The following FGF12 variants were observed in gnomAD, a reference collection of about 807,000 sequenced individuals.
FGF12 encodes fibroblast growth factor 12, also known as fibroblast growth factor 12B.
In FGF12, 14 loss-of-function variants were observed where a neutral mutation model predicts 23.6. The observed-to-expected ratio is 0.59, with a 90% CI of 0.39 to 0.93. The LOEUF (loss-of-function observed/expected upper bound fraction) is 0.93, where lower values mean the gene tolerates loss of function less well. Ranked by LOEUF, FGF12 falls within the 40% of genes least tolerant of loss-of-function variation. The pLI, the probability that FGF12 is intolerant of heterozygous loss-of-function variation, is 0.00. For synonymous variants in FGF12, 62 were observed against 77.3 expected, an observed-to-expected ratio of 0.80 and a Z score of 1.04; for missense variants, 175 against 217.8, an observed-to-expected ratio of 0.80 and a Z score of 1.24.
At chr3:192,223,519 T>A (rs985357309) in intron 4 of FGF12, among the ~76,000 whole-genome samples, 1 of 152,202 alleles carries the variant, frequency 6.6e-6, no homozygotes, top group African/African-American at 2.4e-5. Flanking sequence ...GGAAATAATG[T>A]TATGCCTTTT....
At chr3:192,679,524 T>C (rs1560191967) in intron 2 of FGF12, among the ~76,000 whole-genome samples, 1 of 152,014 alleles carries the variant, frequency 6.6e-6, no homozygotes, top group Non-Finnish European at 1.5e-5. Flanking sequence ...GAGGATGGTT[T>C]GAGCCCTGGA....
At chr3:192,275,514 C>A (rs58733292) in intron 4 of FGF12, among the ~76,000 whole-genome samples, 2 of 152,104 alleles carry the variant, frequency 1.3e-5, no homozygotes, top group African/African-American at 4.8e-5. Context: ...TTAGGATCTT[C>A]AAACTAAAAT....
chr3:192,180,636 G>A (rs1159284608), intron 4 of FGF12, among the ~76,000 whole-genome samples: 1 of 152,104 alleles, frequency 6.6e-6, no homozygotes, highest in African/African-American at 2.4e-5. Context: ...TAAAAGGTAC[G>A]AGAAATTATC....
chr3:192,424,321 T>C (rs1285645859), intron 2 of FGF12, among the ~76,000 whole-genome samples: 1 of 152,220 alleles, frequency 6.6e-6, no homozygotes, highest in Non-Finnish European at 1.5e-5. Flanking sequence ...TTATTTGTAA[T>C]GCTAATGAGA....
intron 5 of FGF12, among the ~76,000 whole-genome samples, chr3:192,166,474 A>C (rs1157837769): frequency 6.6e-6 from 1 of 152,224 alleles, no homozygotes; most frequent in African/African-American, 2.4e-5. Flanking sequence ...CAGACCTCAG[A>C]CTGTAGCCTG....
At chr3:192,680,756 AAATCCATTAGG>A (rs1717498374) in intron 2 of FGF12, among the ~76,000 whole-genome samples, 1 of 152,206 alleles carries the variant, frequency 6.6e-6, no homozygotes, top group South Asian at 2.1e-4. Flanking sequence ...CCTAGCTCCC[AAATCCATTAGG>A]AAGTATATTC....
chr3:192,465,685 G>A (rs1253581801), intron 2 of FGF12, among the ~76,000 whole-genome samples: 3 of 152,182 alleles, frequency 2.0e-5, no homozygotes, highest in African/African-American at 4.8e-5. Flanking sequence ...GGCAGAGGGT[G>A]CCTACGTGAC....
chr3:192,422,967 T>G (rs952377843), intron 2 of FGF12, among the ~76,000 whole-genome samples: 5 of 152,146 alleles, frequency 3.3e-5, no homozygotes, highest in African/African-American at 1.2e-4. Flanking sequence ...TGAAGAATGC[T>G]CTCAGCTATA....
At chr3:192,679,140 G>A (rs1017824216) in intron 2 of FGF12, among the ~76,000 whole-genome samples, 13 of 152,082 alleles carry the variant, frequency 8.5e-5, no homozygotes, top group African/African-American at 2.4e-4. Context: ...GTGGAGTAAG[G>A]GTATGCAGCA....
intron 2 of FGF12, among the ~76,000 whole-genome samples, chr3:192,639,768 G>A (rs1286886949): frequency 6.6e-6 from 1 of 152,118 alleles, no homozygotes; most frequent in African/African-American, 2.4e-5. Context: ...GATATTACAA[G>A]TAATGTAGAT....
At chr3:192,559,492 T>C (rs1471556590) in intron 2 of FGF12, among the ~76,000 whole-genome samples, 1 of 151,990 alleles carries the variant, frequency 6.6e-6, no homozygotes, top group Non-Finnish European at 1.5e-5. Context: ...TGATGGTGTA[T>C]ATATGTTATT....
rs570050673 is a variant in FGF12 at position 192,311,931 on chromosome 3, AT to A, written c.228+23429del. ...TCACATTGCTATTGACTGTCTGTCT[AT>A]CTATCTATCTATCTATCTATCTATC... On this transcript the variant is annotated intron_variant, in intron 4 of 5. Transcript: ENST00000445105. 4.5e-5 allele frequency among the ~76,000 whole-genome samples: 4 copies of A among 88,668 alleles called. No individual in the cohort carries two copies. The East Asian group carries it at 1.6e-3, about 36-fold the overall frequency. 58.2% of individuals were successfully genotyped at this position (88,668 alleles called of 152,430 possible).
At chr3:192,701,922 C>T (rs1414496414) in intron 2 of FGF12, among the ~76,000 whole-genome samples, 1 of 152,078 alleles carries the variant, frequency 6.6e-6, no homozygotes, top group Admixed American at 6.6e-5. Context: ...TAATACAATA[C>T]AATGTTATTA....
chr3:192,264,407 G>A (rs1712947678), intron 4 of FGF12, among the ~76,000 whole-genome samples: 1 of 151,562 alleles, frequency 6.6e-6, no homozygotes, highest in Admixed American at 6.6e-5. Flanking sequence ...CATTTAATGT[G>A]GAATCCAAAA....
rs539654131 is a variant in FGF12, at chr3:192,160,398, AT to A, written c.427+10059del. 8.5e-5 allele frequency among the ~76,000 whole-genome samples: 13 copies of A among 152,282 alleles called. No individual in the cohort carries two copies. In the South Asian group the frequency reaches 2.5e-3, roughly 29 times the overall value. On this transcript the variant is annotated intron_variant, in intron 5 of 5. Transcript: ENST00000445105. The stretch of plus-strand genomic sequence containing the variant: ...TCATTATTAGGCATCCTCGGAGTCT[AT>A]AAAAGCCTTTGGAATCTCTCAGCTT...
intron 3 of FGF12, among the ~76,000 whole-genome samples, chr3:192,344,168 A>C (rs971205814): frequency 6.6e-6 from 1 of 152,194 alleles, no homozygotes; most frequent in Non-Finnish European, 1.5e-5. Flanking sequence ...ATTGTTATGA[A>C]GATCAATGAG....
intron 2 of FGF12, among the ~76,000 whole-genome samples, chr3:192,722,841 A>G (rs552138776): frequency 6.6e-6 from 1 of 152,336 alleles, no homozygotes; most frequent in East Asian, 1.9e-4. Flanking sequence ...TGAAATTGTC[A>G]AGTTCAGAGA....
rs1293892383 is a variant in FGF12 at position 192,520,931 on chromosome 3, TTGTG to T, written c.14-160397_14-160394del. Among the ~76,000 whole-genome samples the T allele has an allele frequency of 4.2e-4, 64 of 152,304 alleles. 1 individual carries two copies. The highest frequency in any genetic ancestry group is 4.0e-3 in the Admixed American group (61 of 15,302). Reference sequence around the variant, plus strand: ...ATAAACAATGCTGCAATAAGTAACCTTGTGTGTAGCATTTTCATATTGTAGAAAA... The same window carrying T: ...ATAAACAATGCTGCAATAAGTAACCTTGTAGCATTTTCATATTGTAGAAAA... On this transcript the variant is annotated intron_variant, in intron 2 of 5. Transcript: ENST00000445105.
chr3:192,213,005 C>T (rs1293163143), intron 4 of FGF12, among the ~76,000 whole-genome samples: 1 of 152,166 alleles, frequency 6.6e-6, no homozygotes, highest in Non-Finnish European at 1.5e-5. Context: ...TGCAATGGTA[C>T]CAATGGTCTT....
Sources: gnomAD v4.1 joint callset for allele counts (sites outside exome capture counted in the v4.1 genomes callset) on GRCh38, gnomAD v4.1.1 for gene constraint, MANE v1.5 for transcripts, NCBI Gene and HGNC (gene_info 2026-07-23, HGNC 2026-07-21) for gene names.